Variants in KDM7A observed in about 807,000 individuals in gnomAD.
KDM7A encodes the protein lysine-specific demethylase 7A.
KDM7A carries 28 observed loss-of-function variants against 114.8 expected under a neutral mutation model. That is an observed-to-expected ratio of 0.24 (90% confidence interval 0.18 to 0.33). The LOEUF (loss-of-function observed/expected upper bound fraction) is 0.33, where lower values mean the gene tolerates loss of function less well. KDM7A is among the 10% of genes least tolerant of loss of function. The pLI, the probability that KDM7A is intolerant of heterozygous loss-of-function variation, is 1.00. For synonymous variants in KDM7A, 423 were observed against 397.8 expected, an observed-to-expected ratio of 1.06 and a Z score of -0.75; for missense variants, 942 against 1,142.5, an observed-to-expected ratio of 0.82 and a Z score of 2.53.
intron 1 of KDM7A, among the ~76,000 whole-genome samples, chr7:140,154,878 T>A (rs1047790325): frequency 2.0e-5 from 3 of 152,172 alleles, no homozygotes; most frequent in Non-Finnish European, 4.4e-5. Flanking sequence ...TTATAAGTGT[T>A]ACAACTTTAT....
rs572282446 is a variant in KDM7A, at chr7:140,087,429, G to A, written c.*3665C>T. ...TCCAGCACCTTGTTGGAGATTCCTC[G>A]GATTTTTAAAGTAGCATGCCCTGGG... On this transcript the variant is annotated 3_prime_UTR_variant, in exon 20 of 20. Transcript: ENST00000397560. The A allele has an allele frequency of 2.0e-5, 3 of 151,996 alleles. No homozygotes were observed. Among genetic ancestry groups the A allele is most frequent in the East Asian group, 1.9e-4 (1 of 5,190 alleles). 9.4% of individuals were successfully genotyped at this position (151,996 alleles called of 1,614,324 possible).
At chr7:140,164,341 A>G (rs567777863) in intron 1 of KDM7A, among the ~76,000 whole-genome samples, 2 of 152,346 alleles carry the variant, frequency 1.3e-5, no homozygotes, top group Admixed American at 1.3e-4. Flanking sequence ...TGGAGATTTT[A>G]GACTAGATCA....
intron 8 of KDM7A, 148 bp downstream of exon 8, chr7:140,120,294 G>T: frequency 2.2e-6 from 1 of 460,956 alleles, no homozygotes. Flanking sequence ...TACTACTTTT[G>T]TTAAAAGCTT....
chr7:140,128,559 A>C (rs1359978426), intron 4 of KDM7A, among the ~76,000 whole-genome samples: 1 of 152,210 alleles, frequency 6.6e-6, no homozygotes, highest in African/African-American at 2.4e-5. Context: ...GATGCTATCT[A>C]CGCAAATAGG....
chr7:140,158,853 T>C (rs1794487044), intron 1 of KDM7A, among the ~76,000 whole-genome samples: 1 of 152,082 alleles, frequency 6.6e-6, no homozygotes, highest in Non-Finnish European at 1.5e-5. Flanking sequence ...GTGTTAACAA[T>C]GAAAGCCTGA....
At chr7:140,172,875 TTAA>T (rs1200444114) in intron 1 of KDM7A, among the ~76,000 whole-genome samples, 1 of 152,146 alleles carries the variant, frequency 6.6e-6, no homozygotes, top group Non-Finnish European at 1.5e-5. Flanking sequence ...TACCACATTA[TTAA>T]TAAAATAGTG....
intron 9 of KDM7A, among the ~76,000 whole-genome samples, chr7:140,116,052 T>C (rs1271664691): frequency 6.6e-6 from 1 of 152,140 alleles, no homozygotes; most frequent in Admixed American, 6.5e-5. Flanking sequence ...GCATAGAGCT[T>C]TGGGAACTCT....
At chr7:140,099,873 T>G in intron 13 of KDM7A, 26 bp downstream of exon 13, 1 of 1,598,214 alleles carries the variant, frequency 6.3e-7, no homozygotes, top group Non-Finnish European at 8.6e-7. Context: ...ATTAATCTAT[T>G]TGATACTCTG....
Position 140,127,482 on chromosome 7 carries a change from T to C in KDM7A, c.661A>G (p.Lys221Glu), listed in dbSNP as rs1818725712. The change falls in exon 5 of 20, where the codon AAA (lysine) becomes GAA (glutamate). Residue 221 changes from lysine to glutamate, a missense_variant. Physicochemically the swap from Lys to Glu is moderately conservative, Grantham distance 56. Transcript: ENST00000397560. ...TCAAGGCTGATCACATTTAACACTT[T>C]TGGTCTGTTAGGATTCATGAAGTAT... is the stretch of plus-strand genomic sequence containing the variant. The part of the protein sequence containing the change: ...VKYFMNPNRP[K>E]VLNVISLEFS... 6.2e-7 allele frequency: 1 copy of C among 1,613,812 alleles called. No individual in the cohort carries two copies. Among genetic ancestry groups the C allele is most frequent in the South Asian group, 1.1e-5 (1 of 90,998 alleles).
chr7:140,129,451 T>C, intron 4 of KDM7A, 42 bp downstream of exon 4: 1 of 1,497,148 alleles, frequency 6.7e-7, no homozygotes. Flanking sequence ...ATTTTTACTT[T>C]TACCATGTTT....
At chr7:140,104,357 T>A (rs143592287) in intron 11 of KDM7A, among the ~76,000 whole-genome samples, 12,703 of 152,224 alleles carry the variant, frequency 0.083, 711 homozygotes, top group Non-Finnish European at 0.12. Flanking sequence ...TTGCTTTTGG[T>A]GTTTTAGTCA....
rs185237328 is a variant in KDM7A at position 140,105,424 on chromosome 7, T to C, written c.1429-3264A>G. ...ATTCATTATGATATTGGCTGTGAGT[T>C]TGTCATAAATAGCTCTTATTATTTT... On this transcript the variant is annotated intron_variant, in intron 11 of 19. Transcript: ENST00000397560. Among the ~76,000 whole-genome samples the C allele has an allele frequency of 9.5e-4, 145 of 152,324 alleles. 1 individual carries two copies. Among genetic ancestry groups the C allele is most frequent in the Non-Finnish European group, 1.6e-3 (107 of 68,036 alleles).
chr7:140,097,663 G>T, intron 14 of KDM7A, 21 bp from the exon 15 acceptor site: 1 of 1,341,588 alleles, frequency 7.5e-7, no homozygotes. Flanking sequence ...ATGAAAGGAT[G>T]AGAAAAAGAG....
chr7:140,100,128 A>G, intron 12 of KDM7A, 105 bp from the exon 13 acceptor site: 1 of 1,224,988 alleles, frequency 8.2e-7, no homozygotes. Flanking sequence ...CTGCATCTCA[A>G]AGATACAGGC....
At chr7:140,115,893 A>AT (rs948263234) in intron 9 of KDM7A, among the ~76,000 whole-genome samples, 1 of 93,196 alleles carries the variant, frequency 1.1e-5, no homozygotes, top group Non-Finnish European at 2.1e-5. Context: ...TATTTTTATC[A>AT]TAAAAAAAAA....
At chr7:140,152,278 C>T (rs947176749) in intron 1 of KDM7A, among the ~76,000 whole-genome samples, 10 of 152,122 alleles carry the variant, frequency 6.6e-5, no homozygotes, top group Non-Finnish European at 1.5e-4. Flanking sequence ...CTTGACATAA[C>T]TGGTAACAAC....
At chr7:140,172,816 T>C (rs1794660487) in intron 1 of KDM7A, among the ~76,000 whole-genome samples, 1 of 152,174 alleles carries the variant, frequency 6.6e-6, no homozygotes, top group South Asian at 2.1e-4. Flanking sequence ...TAACATGGAA[T>C]GCATAGAAAG....
chr7:140,155,397 T>A (rs552488487), intron 1 of KDM7A, among the ~76,000 whole-genome samples: 1 of 152,340 alleles, frequency 6.6e-6, no homozygotes, highest in Non-Finnish European at 1.5e-5. Context: ...AAAGGTATAA[T>A]CTAGCACCAC....
intron 1 of KDM7A, among the ~76,000 whole-genome samples, chr7:140,159,026 T>TTTTG (rs967101713): frequency 5.3e-5 from 8 of 152,166 alleles, no homozygotes; most frequent in South Asian, 2.1e-4. Context: ...GAAAAGGGTT[T>TTTTG]TTTGTTTGTT....
Sources: gnomAD v4.1 joint callset for allele counts (sites outside exome capture counted in the v4.1 genomes callset) on GRCh38, gnomAD v4.1.1 for gene constraint, MANE v1.5 for transcripts, NCBI Gene and HGNC (gene_info 2026-07-23, HGNC 2026-07-21) for gene names.